The following CHD1L variants were observed in gnomAD, a reference collection of about 807,000 sequenced individuals.
CHD1L encodes chromodomain helicase DNA binding protein 1 like.
Under a neutral mutation model 115.9 loss-of-function variants are expected in CHD1L, and 118 were observed. The ratio of observed to expected loss-of-function variants is 1.02; its 90% CI spans 0.88 to 1.19. The LOEUF is 1.19. Among genes scored for constraint, CHD1L ranks in the 50% most tolerant of loss-of-function variants. The pLI is 0.00. For missense variants in CHD1L, 1,179 were observed against 1,065.3 expected, an observed-to-expected ratio of 1.11 and a Z score of -1.49; for synonymous variants, 411 against 387.1, an observed-to-expected ratio of 1.06 and a Z score of -0.72.
At chr1:147,289,129 T>A (rs1211740804) in intron 19 of CHD1L, among the ~76,000 whole-genome samples, 5 of 152,106 alleles carry the variant, frequency 3.3e-5, no homozygotes, top group Non-Finnish European at 7.4e-5. Flanking sequence ...AAATAGTCAA[T>A]CCAGATCTAG....
chr1:147,201,249 T>G, the CHD1L span: 1 of 1,614,194 alleles, frequency 6.2e-7, no homozygotes, highest in Non-Finnish European at 8.5e-7. Flanking sequence ...GAGTTGGCCT[T>G]TCCAGGTTAG....
intron 7 of CHD1L, 26 bp from the exon 8 acceptor site, chr1:147,265,906 T>G (rs1231927286): frequency 4.4e-6 from 7 of 1,594,490 alleles, no homozygotes; most frequent in Non-Finnish European, 6.0e-6. Flanking sequence ...TGTCCCACAC[T>G]TCTTGTATTT....
Position 147,294,416 on chromosome 1 carries a change from T to C in CHD1L, c.2514T>C (p.Val838=), listed in dbSNP as rs137857712. ...TTCTTCTCTTCATAATAGCAAGTGT[T>C]CATCTTCCACGTATTGGACATGCCA... ...FLAAKKKKAS[V]HLPRIGHATK... The change falls in exon 22 of 23, where the codon GTT becomes GTC. Residue 838 remains valine, a synonymous_variant. Transcript: ENST00000369258. The C allele has an allele frequency of 7.4e-5, 119 of 1,610,032 alleles. No individual in the cohort carries two copies. Among genetic ancestry groups the C allele is most frequent in the Non-Finnish European group, 9.8e-5 (115 of 1,178,270 alleles).
chr1:147,286,516 TG>T lies in CHD1L; in HGVS notation c.2221+19del. On this transcript the variant is annotated intron_variant, in intron 18 of 22. Transcript: ENST00000369258. ...CACTGCGTAGGTACGAGAAGTGGTA[TG>T]GGCTGGGGATGGGGGCCTCAGTCCT... The T allele has an allele frequency of 6.2e-7, 1 of 1,611,876 alleles. No individual in the cohort carries two copies. Among genetic ancestry groups the T allele is most frequent in the Non-Finnish European group, 8.5e-7 (1 of 1,179,316 alleles).
chr1:147,282,985 T>C (rs934284935), intron 15 of CHD1L, among the ~76,000 whole-genome samples: 1 of 152,178 alleles, frequency 6.6e-6, no homozygotes, highest in Non-Finnish European at 1.5e-5. Context: ...AGAGTGAAGA[T>C]AGGAAGTATG....
At chr1:147,214,743 T>C in the CHD1L span, 1 of 151,978 alleles carries the variant, frequency 6.6e-6, no homozygotes, top group Non-Finnish European at 1.5e-5. Flanking sequence ...TTTGTCCCCA[T>C]GTAACTCTCT....
chr1:147,274,878 T>A (rs782008934), intron 12 of CHD1L, among the ~76,000 whole-genome samples: 1 of 152,188 alleles, frequency 6.6e-6, no homozygotes, highest in Non-Finnish European at 1.5e-5. Flanking sequence ...TCCACTCTTC[T>A]CATTAACTTT....
chr1:147,215,517 G>A, the CHD1L span: 2 of 475,174 alleles, frequency 4.2e-6, no homozygotes, highest in Middle Eastern at 1.1e-3. Flanking sequence ...TGAAGGTAAT[G>A]AAAACACTCT....
the CHD1L span, among the ~76,000 whole-genome samples, chr1:147,193,106 C>CT: frequency 1.3e-5 from 2 of 152,126 alleles, no homozygotes; most frequent in East Asian, 3.9e-4. Context: ...CTTTGTACCT[C>CT]TGGTAGAATT....
the CHD1L span, chr1:147,210,051 T>C: frequency 5.3e-5 from 8 of 152,212 alleles, no homozygotes; most frequent in African/African-American, 1.9e-4. Flanking sequence ...TAAGTCATTG[T>C]GCTAGGTCCT....
rs189285696 is a variant in CHD1L at position 147,244,251 on chromosome 1, A to C, written c.127+1421A>C. Among the ~76,000 whole-genome samples, 224 of 152,346 alleles carry C rather than the reference A, an allele frequency of 1.5e-3. 1 individual carries two copies. Among genetic ancestry groups the C allele is most frequent in the African/African-American group, 5.1e-3 (212 of 41,584 alleles). ...CATATGGGCAAGTGTTTTAGTGAAA[A>C]TGAGGAGACAAGAGGTTGCAAGTTT... is the stretch of plus-strand genomic sequence containing the variant. On this transcript the variant is annotated intron_variant, in intron 1 of 22. Coordinates refer to ENST00000369258, the MANE Select transcript of CHD1L (RefSeq NM_004284.6).
At chr1:147,180,627 CAGAG>C in the CHD1L span, among the ~76,000 whole-genome samples, 1 of 152,292 alleles carries the variant, frequency 6.6e-6, no homozygotes, top group African/African-American at 2.4e-5. Context: ...TTAAAATTCT[CAGAG>C]AAAGGAAGAT....
the CHD1L span, chr1:147,215,170 A>G: frequency 1.3e-5 from 2 of 152,252 alleles, no homozygotes; most frequent in African/African-American, 4.8e-5. Context: ...TTTACAAACA[A>G]GAAAATTTTT....
chr1:147,178,519 T>A, the CHD1L span: 1 of 1,611,722 alleles, frequency 6.2e-7, no homozygotes, highest in Non-Finnish European at 8.5e-7. Flanking sequence ...AGGCCCAGCT[T>A]CAGTGCCTCT....
chr1:147,244,195 T>C (rs905916352), intron 1 of CHD1L, among the ~76,000 whole-genome samples: 2 of 152,194 alleles, frequency 1.3e-5, no homozygotes, highest in African/African-American at 4.8e-5. Context: ...AGTTGATACT[T>C]AGCTGTGGAT....
intron 6 of CHD1L, among the ~76,000 whole-genome samples, chr1:147,263,924 C>G (rs1480854724): frequency 2.0e-5 from 3 of 152,138 alleles, no homozygotes; most frequent in Non-Finnish European, 4.4e-5. Flanking sequence ...TGACATCTTG[C>G]ATCTGATGCA....
the CHD1L span, among the ~76,000 whole-genome samples, chr1:147,199,563 A>G: frequency 6.6e-6 from 1 of 152,196 alleles, no homozygotes; most frequent in Non-Finnish European, 1.5e-5. Flanking sequence ...CCTCTCAAGA[A>G]TTCACTTGGT....
At chr1:147,213,320 C>A in the CHD1L span, 5 of 1,608,530 alleles carry the variant, frequency 3.1e-6, no homozygotes, top group African/African-American at 6.7e-5. Flanking sequence ...GGGAAGCTTT[C>A]CAGAGGTAGA....
At chr1:147,199,816 C>T in the CHD1L span, among the ~76,000 whole-genome samples, 1 of 152,110 alleles carries the variant, frequency 6.6e-6, no homozygotes, top group Non-Finnish European at 1.5e-5. Flanking sequence ...GTTGAACTAT[C>T]AACTGTAATA....
Sources: allele counts gnomAD v4.1 joint callset (sites outside exome capture counted in the v4.1 genomes callset), GRCh38; gene constraint gnomAD v4.1.1; transcripts MANE v1.5; gene names NCBI Gene and HGNC (gene_info 2026-07-23, HGNC 2026-07-21).